Variants in NBAS observed in about 807,000 individuals in gnomAD.
NBAS encodes NBAS subunit of NRZ tethering complex, also known as NAG/BC035112 fusion.
In NBAS, 219 loss-of-function variants were observed where a neutral mutation model predicts 302.5. That is an observed-to-expected ratio of 0.72 (90% confidence interval 0.65 to 0.81). The LOEUF (loss-of-function observed/expected upper bound fraction) is 0.81. Among genes scored for constraint, NBAS ranks in the 30% least tolerant of loss-of-function variants. NBAS has a pLI of 0.00. For synonymous variants in NBAS, 1,118 were observed against 1,021.6 expected (o/e 1.09, Z -1.80); for missense variants, 2,932 against 2,841.6 (o/e 1.03, Z -0.72).
chr2:15,024,235 T>C, the NBAS span, among the ~76,000 whole-genome samples: 2 of 152,084 alleles, frequency 1.3e-5, no homozygotes, highest in Non-Finnish European at 2.9e-5. Context: ...TGGTTTTCTG[T>C]TTCTCCATTA....
chr2:15,321,719 G>A (rs540272718), intron 38 of NBAS, among the ~76,000 whole-genome samples: 3 of 152,238 alleles, frequency 2.0e-5, no homozygotes, highest in Admixed American at 6.5e-5. Context: ...TTAGAATGGC[G>A]ATCGTTAAAA....
intron 44 of NBAS, among the ~76,000 whole-genome samples, chr2:15,262,837 G>A (rs1403242586): frequency 6.6e-6 from 1 of 152,156 alleles, no homozygotes; most frequent in East Asian, 1.9e-4. Flanking sequence ...ATCAGATGAG[G>A]CATACTGGAC....
chr2:15,002,510 C>T, the NBAS span, among the ~76,000 whole-genome samples: 1 of 152,226 alleles, frequency 6.6e-6, no homozygotes, highest in Non-Finnish European at 1.5e-5. Flanking sequence ...GTGGAGCTGC[C>T]TGCCAGTCCC....
the NBAS span, among the ~76,000 whole-genome samples, chr2:15,059,699 C>T: frequency 5.9e-5 from 9 of 152,110 alleles, no homozygotes; most frequent in Non-Finnish European, 1.3e-4. Flanking sequence ...GGAGAGAGGT[C>T]TAGATTCTGT....
At chr2:15,037,799 T>C in the NBAS span, among the ~76,000 whole-genome samples, 1 of 152,154 alleles carries the variant, frequency 6.6e-6, no homozygotes, top group Non-Finnish European at 1.5e-5. Context: ...TTTGCTATAC[T>C]TATTTACATA....
the NBAS span, among the ~76,000 whole-genome samples, chr2:14,911,444 C>G: frequency 6.6e-6 from 1 of 152,164 alleles, no homozygotes; most frequent in Non-Finnish European, 1.5e-5. Context: ...ATTCCTTACA[C>G]CTTGCTGGAA....
the NBAS span, among the ~76,000 whole-genome samples, chr2:14,909,366 T>TAAAAAAAAAAAAAAAAAAAAAAAAAA: frequency 1.7e-4 from 13 of 78,572 alleles, no homozygotes; most frequent in African/African-American, 7.2e-4. Flanking sequence ...GGAGAGTTTC[T>TAAAAAAAAAAAAAAAAAAAAAAAAAA]AAAAAAAAAA....
At chr2:15,509,953 G>T (rs949722726) in intron 10 of NBAS, among the ~76,000 whole-genome samples, 2 of 152,080 alleles carry the variant, frequency 1.3e-5, no homozygotes, top group African/African-American at 4.8e-5. Context: ...AGGTTCAATC[G>T]ATTCTCCTGC....
At chr2:15,370,348 C>T (rs538111938) in intron 31 of NBAS, among the ~76,000 whole-genome samples, 2 of 152,242 alleles carry the variant, frequency 1.3e-5, no homozygotes, top group South Asian at 2.1e-4. Context: ...GGCTCGGGTG[C>T]GGTGGCACAA....
At chr2:14,817,162 T>C in the NBAS span, among the ~76,000 whole-genome samples, 1 of 152,230 alleles carries the variant, frequency 6.6e-6, no homozygotes, top group Non-Finnish European at 1.5e-5. Flanking sequence ...TGCTGTCTCA[T>C]AATGTTATCA....
the NBAS span, among the ~76,000 whole-genome samples, chr2:15,027,740 C>T: frequency 6.6e-6 from 1 of 152,106 alleles, no homozygotes. Context: ...TTTAGGATAA[C>T]GTTTACCACT....
At chr2:15,158,318 G>T in the NBAS span, among the ~76,000 whole-genome samples, 50 of 152,296 alleles carry the variant, frequency 3.3e-4, no homozygotes, top group Non-Finnish European at 6.5e-4. Context: ...GGTTGGGGTT[G>T]CTTTTCTCTC....
At position 15,542,177 on chromosome 2, in the gene NBAS, G is replaced by C. The variant is rs1352363301; in HGVS notation, c.380-2821C>G. ...CCATGATGACAATGGCAGTTTTGTG[G>C]AATAGAAAGGGGGGAAAAGTGGGGA... On this transcript the variant is annotated intron_variant, in intron 6 of 51. Coordinates refer to ENST00000281513, the MANE Select transcript of NBAS (RefSeq NM_015909.4). Among the ~76,000 whole-genome samples the C allele has an allele frequency of 4.7e-5, 4 of 85,512 alleles. 1 individual carries two copies. The highest frequency in any genetic ancestry group is 1.7e-4 in the African/African-American group (4 of 23,542). The allele number at this position is 85,512 out of a possible 152,430, so 56.1% of individuals were successfully genotyped here. A position where few individuals can be genotyped will look rare whatever the true frequency, so the allele number is the denominator to read the frequency against.
At chr2:14,964,585 A>C in the NBAS span, among the ~76,000 whole-genome samples, 1 of 152,208 alleles carries the variant, frequency 6.6e-6, no homozygotes, top group Admixed American at 6.5e-5. Context: ...AGACAAACCC[A>C]CAGTTTTAGT....
intron 25 of NBAS, among the ~76,000 whole-genome samples, chr2:15,414,091 A>C (rs763242317): frequency 6.6e-5 from 10 of 152,212 alleles, no homozygotes; most frequent in Non-Finnish European, 1.2e-4. Context: ...CAAGCAACCC[A>C]CCCTGACCTC....
chr2:15,218,969 C>A lies in NBAS; in HGVS notation c.6237-1G>T. 1 of 1,614,250 alleles carries A rather than the reference C, an allele frequency of 6.2e-7. No individual in the cohort carries two copies. Among genetic ancestry groups the A allele is most frequent in the Non-Finnish European group, 8.5e-7 (1 of 1,180,044 alleles). On this transcript the variant is annotated splice_acceptor_variant, in intron 47 of 51. Coordinates refer to ENST00000281513, the MANE Select transcript of NBAS (RefSeq NM_015909.4). LOFTEE classifies it high-confidence loss of function. ...GTCCTCAGGTGAAACCAGCTCCTCA[C>A]TGCAGGGCAAAATCCAGAGGTATCT...
chr2:15,501,383 G>C (rs1382603000), intron 11 of NBAS, among the ~76,000 whole-genome samples: 4 of 151,974 alleles, frequency 2.6e-5, no homozygotes, highest in Admixed American at 2.6e-4. Flanking sequence ...AAGAACCTGT[G>C]GACTACTAAT....
At chr2:15,030,695 T>C in the NBAS span, among the ~76,000 whole-genome samples, 3 of 152,222 alleles carry the variant, frequency 2.0e-5, no homozygotes, top group Non-Finnish European at 4.4e-5. Flanking sequence ...TTAATACAGC[T>C]TTTGGCAGTT....
the NBAS span, among the ~76,000 whole-genome samples, chr2:14,780,239 G>C: frequency 6.6e-6 from 1 of 152,212 alleles, no homozygotes; most frequent in East Asian, 1.9e-4. Context: ...TATGAAAAAT[G>C]ATTTTTGAAA....
Sources: allele counts gnomAD v4.1 joint callset (sites outside exome capture counted in the v4.1 genomes callset), GRCh38; gene constraint gnomAD v4.1.1; transcripts MANE v1.5; gene names NCBI Gene and HGNC (gene_info 2026-07-23, HGNC 2026-07-21).